ARFGAP3: variants seen among roughly 807,000 people sequenced by gnomAD.
The protein encoded by ARFGAP3 is ADP-ribosylation factor GTPase-activating protein 3.
Under a neutral mutation model 75.0 loss-of-function variants are expected in ARFGAP3, and 72 were observed. The ratio of observed to expected loss-of-function variants is 0.96; its 90% CI spans 0.79 to 1.17. The LOEUF (loss-of-function observed/expected upper bound fraction) is 1.17. ARFGAP3 is among the 50% of genes most tolerant of loss of function. The probability of loss-of-function intolerance (pLI) is 0.00; values close to 1 mark genes in which losing one functional copy is unlikely to be tolerated. For synonymous variants in ARFGAP3, 221 were observed against 217.9 expected (o/e 1.01, Z -0.13); for missense variants, 620 against 626.6 (o/e 0.99, Z 0.11).
At chr22:42,843,767 G>GT (rs1219255843) in intron 2 of ARFGAP3, among the ~76,000 whole-genome samples, 1 of 152,146 alleles carries the variant, frequency 6.6e-6, no homozygotes, top group Non-Finnish European at 1.5e-5. Flanking sequence ...CATGAAATAC[G>GT]TAACGGCAAA....
At chr22:42,841,656 A>C (rs1926785897) in intron 2 of ARFGAP3, among the ~76,000 whole-genome samples, 1 of 152,178 alleles carries the variant, frequency 6.6e-6, no homozygotes. Flanking sequence ...CAATGTTAGA[A>C]TCTTTATACT....
At chr22:42,843,868 C>G (rs1429253066) in intron 2 of ARFGAP3, among the ~76,000 whole-genome samples, 1 of 152,224 alleles carries the variant, frequency 6.6e-6, no homozygotes, top group Non-Finnish European at 1.5e-5. Context: ...TCAGTTCAAT[C>G]TGGTCCACTC....
intron 14 of ARFGAP3, among the ~76,000 whole-genome samples, chr22:42,806,191 C>T (rs1175173230): frequency 1.3e-5 from 2 of 152,142 alleles, no homozygotes; most frequent in East Asian, 3.9e-4. Flanking sequence ...CCCCTTGGCT[C>T]TCCTGCTGAT....
At chr22:42,824,922 TA>T (rs1414991742) in intron 7 of ARFGAP3, among the ~76,000 whole-genome samples, 2 of 152,212 alleles carry the variant, frequency 1.3e-5, no homozygotes, top group African/African-American at 4.8e-5. Context: ...AGCCCCCACT[TA>T]TAAGTGAAAA....
At chr22:42,804,769 G>GC (rs937756271) in intron 14 of ARFGAP3, among the ~76,000 whole-genome samples, 80 of 152,106 alleles carry the variant, frequency 5.3e-4, no homozygotes, top group Admixed American at 5.2e-3. Flanking sequence ...GCCTACCTCG[G>GC]CCTCCCAAAG....
chr22:42,839,119 A>AG (rs59205438), intron 3 of ARFGAP3, among the ~76,000 whole-genome samples: 23,300 of 119,732 alleles, frequency 0.19, 2,725 homozygotes, highest in East Asian at 0.52. Flanking sequence ...CAAAAAAAAA[A>AG]AAAGAAAAAA....
chr22:42,804,750 A>C (rs1472992482), intron 14 of ARFGAP3, among the ~76,000 whole-genome samples: 1 of 152,038 alleles, frequency 6.6e-6, no homozygotes, highest in Admixed American at 6.6e-5. Flanking sequence ...TCTCGACCTC[A>C]GGTGATCCGC....
intron 2 of ARFGAP3, among the ~76,000 whole-genome samples, chr22:42,842,031 T>C (rs1270597913): frequency 4.9e-4 from 48 of 97,404 alleles, no homozygotes; most frequent in African/African-American, 2.1e-3. Context: ...TTTTTTTTTT[T>C]TGAGACGGAG....
At chr22:42,854,975 G>C (rs1235412749) in intron 1 of ARFGAP3, among the ~76,000 whole-genome samples, 1 of 152,182 alleles carries the variant, frequency 6.6e-6, no homozygotes, top group Non-Finnish European at 1.5e-5. Flanking sequence ...TCACAGGTGT[G>C]TTCTTCATCA....
At chr22:42,834,122 G>C in intron 5 of ARFGAP3, 120 bp downstream of exon 5, 2 of 889,442 alleles carry the variant, frequency 2.2e-6, no homozygotes, top group Non-Finnish European at 3.5e-6. Flanking sequence ...CTCTTCAGTA[G>C]TTATGTTTCA....
chr22:42,802,929 G>A lies in ARFGAP3; in HGVS notation c.1412-3769C>T, dbSNP rs146763298. 7.9e-5 allele frequency among the ~76,000 whole-genome samples: 12 copies of A among 152,280 alleles called. No individual in the cohort carries two copies. In the East Asian group the frequency reaches 1.9e-3, roughly 24 times the overall value. On this transcript the variant is annotated intron_variant, in intron 14 of 15. Coordinates refer to ENST00000263245, the MANE Select transcript of ARFGAP3 (RefSeq NM_014570.5). ...ATAAGAATTTTTAATAGAATACCAC[G>A]TATTAATTTCTCTGCTTCATGCAGA... is the stretch of plus-strand genomic sequence containing the variant.
At position 42,799,309 on chromosome 22, in the gene ARFGAP3, G is replaced by C. The variant is rs1924752010; in HGVS notation, c.1412-149C>G. On this transcript the variant is annotated intron_variant, in intron 14 of 15. Coordinates refer to ENST00000263245, the MANE Select transcript of ARFGAP3 (RefSeq NM_014570.5). ...GGCCCAACAGTGGGATGGAGACTCG[G>C]GCTGAAGTGGCAGCCCTGCCATGAT... The C allele has an allele frequency of 2.1e-6, 3 of 1,402,838 alleles. No individual in the cohort carries two copies. The African/African-American group carries it at 4.3e-5, about 20-fold the overall frequency. The allele number at this position is 1,402,838 out of a possible 1,614,324, so 86.9% of individuals were successfully genotyped here.
intron 14 of ARFGAP3, among the ~76,000 whole-genome samples, chr22:42,803,254 T>G (rs919876786): frequency 6.6e-6 from 1 of 152,162 alleles, no homozygotes; most frequent in Non-Finnish European, 1.5e-5. Flanking sequence ...ACAGCTATAC[T>G]GTCTGACAAG....
At chr22:42,799,000 T>G in intron 15 of ARFGAP3, 39 bp downstream of exon 15, 1 of 1,572,598 alleles carries the variant, frequency 6.4e-7, no homozygotes. Context: ...CTGCTGAACC[T>G]ACCGTCATAG....
chr22:42,809,399 A>G (rs2146532752), intron 12 of ARFGAP3, among the ~76,000 whole-genome samples: 1 of 152,360 alleles, frequency 6.6e-6, no homozygotes, highest in Admixed American at 6.5e-5. Flanking sequence ...AAGAGGAATG[A>G]ATACAAGAAT....
chr22:42,838,275 C>CATATAT (rs55855980), intron 3 of ARFGAP3, among the ~76,000 whole-genome samples: 29,203 of 137,348 alleles, frequency 0.21, 3,936 homozygotes, highest in Non-Finnish European at 0.3. Context: ...TACACACACA[C>CATATAT]ATATATATAT....
intron 11 of ARFGAP3, among the ~76,000 whole-genome samples, chr22:42,816,228 GC>G (rs1403250624): frequency 6.6e-6 from 1 of 152,180 alleles, no homozygotes; most frequent in East Asian, 1.9e-4. Flanking sequence ...TTCTAAACGT[GC>G]TATAGCATTC....
At chr22:42,823,838 G>C (rs1925918755) in intron 7 of ARFGAP3, 136 bp from the exon 8 acceptor site, 2 of 1,118,698 alleles carry the variant, frequency 1.8e-6, no homozygotes, top group East Asian at 6.1e-5. Flanking sequence ...TTCTCATCCA[G>C]AAGACTCAAG....
At chr22:42,838,183 C>A (rs996085018) in intron 3 of ARFGAP3, among the ~76,000 whole-genome samples, 2 of 149,300 alleles carry the variant, frequency 1.3e-5, no homozygotes, top group African/African-American at 4.9e-5. Flanking sequence ...TTAGGGACAA[C>A]GAAGAAAAAA....
Sources: allele counts gnomAD v4.1 joint callset (sites outside exome capture counted in the v4.1 genomes callset), GRCh38; gene constraint gnomAD v4.1.1; transcripts MANE v1.5; gene names NCBI Gene and HGNC (gene_info 2026-07-23, HGNC 2026-07-21).